Variants in BIN3 observed in about 807,000 individuals in gnomAD.
The protein encoded by BIN3 is bridging integrator 3.
Under a neutral mutation model 38.2 loss-of-function variants are expected in BIN3, and 41 were observed. The ratio of observed to expected loss-of-function variants is 1.07; its 90% confidence interval spans 0.84 to 1.39. BIN3 has a LOEUF of 1.39. BIN3 is among the 40% of genes most tolerant of loss of function. The probability of loss-of-function intolerance (pLI) is 0.00; values close to 1 mark genes in which losing one functional copy is unlikely to be tolerated. For synonymous variants in BIN3, 145 were observed against 122.6 expected (o/e 1.18, Z -1.21); for missense variants, 361 against 324.3 (o/e 1.11, Z -0.87).
At position 22,624,537 on chromosome 8, in the gene BIN3, C is replaced by A. The variant is rs375727048; in HGVS notation, c.339-174G>T. 1.5e-5 allele frequency: 11 copies of A among 749,928 alleles called. No homozygotes were observed. In the African/African-American group the frequency reaches 1.9e-4, roughly 13 times the overall value. 46.5% of individuals were successfully genotyped at this position (749,928 alleles called of 1,614,324 possible). On this transcript the variant is annotated intron_variant, in intron 6 of 8. Transcript: ENST00000276416. ...CCTGAGCACCTACCAAGCGCCAGAC[C>A]CTGCTCTAGGTCTTGGGGAGTTCAC...
intron 1 of BIN3, among the ~76,000 whole-genome samples, chr8:22,650,639 C>T (rs1237604894): frequency 6.6e-6 from 1 of 152,138 alleles, no homozygotes; most frequent in African/African-American, 2.4e-5. Context: ...CCCAGGACTC[C>T]CTAATCTCAT....
intron 1 of BIN3, among the ~76,000 whole-genome samples, chr8:22,652,298 T>C (rs1035621964): frequency 1.3e-5 from 2 of 152,234 alleles, no homozygotes; most frequent in Admixed American, 6.5e-5. Context: ...CAAGAAGCTC[T>C]GAGCACACGA....
chr8:22,637,554 C>T (rs144108392), intron 2 of BIN3, among the ~76,000 whole-genome samples: 23 of 152,318 alleles, frequency 1.5e-4, no homozygotes, highest in African/African-American at 2.6e-4. Context: ...CATTCCCGAC[C>T]GGGTATCAAC....
At chr8:22,629,364 C>G (rs995432038) in intron 6 of BIN3, among the ~76,000 whole-genome samples, 1 of 152,186 alleles carries the variant, frequency 6.6e-6, no homozygotes, top group Admixed American at 6.5e-5. Flanking sequence ...TCTGCCTGTT[C>G]CCCGCCCTGG....
At position 22,648,264 on chromosome 8, in the gene BIN3, C is replaced by T. The variant is rs181310436; in HGVS notation, c.9-3461G>A. Among the ~76,000 whole-genome samples, 178 of 152,180 alleles carry T rather than the reference C, an allele frequency of 1.2e-3. 1 individual carries two copies. The highest frequency in any genetic ancestry group is 4.2e-3 in the African/African-American group (173 of 41,544). On this transcript the variant is annotated intron_variant, in intron 1 of 8. Transcript: ENST00000276416. ...TGGTACATTGGTCACAAACAATGAA[C>T]CAACAGTGAGAGTCAAGACTATCCT...
At chr8:22,647,687 C>T (rs570899053) in intron 1 of BIN3, among the ~76,000 whole-genome samples, 6 of 152,142 alleles carry the variant, frequency 3.9e-5, no homozygotes, top group Non-Finnish European at 7.3e-5. Flanking sequence ...ACCACGCAGA[C>T]GGAACAGCTC....
chr8:22,648,129 CG>C (rs1441563630), intron 1 of BIN3, among the ~76,000 whole-genome samples: 1 of 113,618 alleles, frequency 8.8e-6, no homozygotes, highest in Non-Finnish European at 1.9e-5. Context: ...AGTGAGACTC[CG>C]TCTCTCAAAA....
rs531601398 is a variant in BIN3, at chr8:22,627,972, A to G, written c.338+1992T>C. ...GGGCTGGGCCCAGGCCAGTGATCAA[A>G]GCATTACCCATGATCACTGCCCAAT... is the stretch of plus-strand genomic sequence containing the variant. On this transcript the variant is annotated intron_variant, in intron 6 of 8. Transcript: ENST00000276416. Among the ~76,000 whole-genome samples, 32 of 152,358 alleles carry G rather than the reference A, an allele frequency of 2.1e-4. 2 individuals carry two copies. In the South Asian group the frequency reaches 6.4e-3, roughly 31 times the overall value.
At chr8:22,621,918 G>T (rs1024388147) in intron 8 of BIN3, among the ~76,000 whole-genome samples, 1 of 152,226 alleles carries the variant, frequency 6.6e-6, no homozygotes, top group Non-Finnish European at 1.5e-5. Flanking sequence ...AGAACCCAAG[G>T]CTTTTGTCCA....
intron 6 of BIN3, chr8:22,625,509 C>A: frequency 1.5e-6 from 1 of 673,034 alleles, no homozygotes; most frequent in South Asian, 1.6e-5. Context: ...TGAGAGGATG[C>A]TGGCAGACTC....
chr8:22,641,035 G>A (rs1802539548), intron 2 of BIN3, among the ~76,000 whole-genome samples: 1 of 152,130 alleles, frequency 6.6e-6, no homozygotes, highest in South Asian at 2.1e-4. Flanking sequence ...AAAGATGCAC[G>A]GGGACACTGC....
chr8:22,634,117 C>G (rs1420730818), intron 4 of BIN3, among the ~76,000 whole-genome samples: 1 of 152,216 alleles, frequency 6.6e-6, no homozygotes, highest in Non-Finnish European at 1.5e-5. Flanking sequence ...TCTGCAGAAG[C>G]AGGAAGGAAA....
At position 22,651,447 on chromosome 8, in the gene BIN3, A is replaced by G. The variant is rs7012549; in HGVS notation, c.9-6644T>C. On this transcript the variant is annotated intron_variant, in intron 1 of 8. Coordinates refer to ENST00000276416, the MANE Select transcript of BIN3 (RefSeq NM_018688.6). ...CTGGGATTCCTTTGACTTCTCTTTCATGATTTTTCCCTGATCCTCCTCTTT... is the reference window on the plus strand; with the variant it reads ...CTGGGATTCCTTTGACTTCTCTTTCGTGATTTTTCCCTGATCCTCCTCTTT... 3.8e-3 allele frequency among the ~76,000 whole-genome samples: 576 copies of G among 152,280 alleles called. 3 individuals carry two copies. Among genetic ancestry groups the G allele is most frequent in the African/African-American group, 0.013 (560 of 41,542 alleles).
intron 6 of BIN3, among the ~76,000 whole-genome samples, chr8:22,627,513 G>A (rs906245886): frequency 5.3e-5 from 8 of 152,126 alleles, no homozygotes; most frequent in African/African-American, 1.9e-4. Flanking sequence ...CACAGGCTGG[G>A]CGCCTGTGCC....
chr8:22,626,744 T>C (rs979609056), intron 6 of BIN3, among the ~76,000 whole-genome samples: 9 of 152,280 alleles, frequency 5.9e-5, no homozygotes, highest in Non-Finnish European at 8.8e-5. Flanking sequence ...AAGCCGTGTG[T>C]GCGCAAGGTG....
At chr8:22,636,697 C>T (rs956562363) in intron 3 of BIN3, 111 bp from the exon 4 acceptor site, 37 of 1,235,898 alleles carry the variant, frequency 3.0e-5, no homozygotes, top group East Asian at 5.1e-5. Flanking sequence ...ATCTTCTCCA[C>T]GGGGACTTTT....
At chr8:22,653,573 C>T (rs566069389) in intron 1 of BIN3, among the ~76,000 whole-genome samples, 11 of 152,324 alleles carry the variant, frequency 7.2e-5, no homozygotes, top group African/African-American at 2.6e-4. Flanking sequence ...GATGTCTTTA[C>T]AACGTACAGT....
At chr8:22,643,653 C>A (rs1442183144) in intron 2 of BIN3, among the ~76,000 whole-genome samples, 1 of 152,224 alleles carries the variant, frequency 6.6e-6, no homozygotes, top group Non-Finnish European at 1.5e-5. Flanking sequence ...TGACCTTACT[C>A]TGGATTTGCT....
At chr8:22,629,894 C>T in intron 6 of BIN3, 70 bp downstream of exon 6, 4 of 1,418,978 alleles carry the variant, frequency 2.8e-6, no homozygotes, top group Non-Finnish European at 3.9e-6. Context: ...AAATCCTCTT[C>T]AGTCCCCAAG....
Sources: gnomAD v4.1 joint callset for allele counts (sites outside exome capture counted in the v4.1 genomes callset) on GRCh38, gnomAD v4.1.1 for gene constraint, MANE v1.5 for transcripts, NCBI Gene and HGNC (gene_info 2026-07-23, HGNC 2026-07-21) for gene names.